Variants in RAP1A observed in about 807,000 individuals in gnomAD.
RAP1A encodes ras-related protein Rap-1A.
RAP1A carries 6 observed loss-of-function variants against 26.4 expected under a neutral mutation model. That is an observed-to-expected ratio of 0.23 (90% confidence interval 0.12 to 0.45). The LOEUF is 0.45. Ranked by LOEUF, RAP1A falls within the 20% of genes least tolerant of loss-of-function variation. The pLI is 0.99. For synonymous variants in RAP1A, 73 were observed against 79.4 expected (o/e 0.92, Z 0.43); for missense variants, 121 against 217.2 (o/e 0.56, Z 2.78).
At chr1:111,651,109 A>G (rs1660254845) in intron 1 of RAP1A, among the ~76,000 whole-genome samples, 1 of 152,052 alleles carries the variant, frequency 6.6e-6, no homozygotes, top group Non-Finnish European at 1.5e-5. Flanking sequence ...TCTTCACCTT[A>G]TAGTTTCATA....
chr1:111,603,760 T>G (rs1322489152), intron 1 of RAP1A, among the ~76,000 whole-genome samples: 1 of 152,182 alleles, frequency 6.6e-6, no homozygotes, highest in Non-Finnish European at 1.5e-5. Context: ...CCATGCCTAC[T>G]AAGGGGGTAC....
intron 6 of RAP1A, among the ~76,000 whole-genome samples, chr1:111,705,742 T>G (rs1403163018): frequency 1.3e-5 from 2 of 152,142 alleles, no homozygotes; most frequent in African/African-American, 4.8e-5. Flanking sequence ...TCAGCAATAA[T>G]TAAAGAAAAA....
chr1:111,648,649 A>G (rs1660158417), intron 1 of RAP1A: 1 of 519,266 alleles, frequency 1.9e-6, no homozygotes, highest in Non-Finnish European at 3.6e-6. Context: ...TTTCTCACTG[A>G]GTCCAGGTCA....
In RAP1A at chr1:111,691,458, A is replaced by G. The variant is rs766346522; in HGVS notation, c.57+41A>G. The G allele has an allele frequency of 2.6e-6, 4 of 1,550,492 alleles. No individual in the cohort carries two copies. In the South Asian group the frequency reaches 3.4e-5, roughly 13 times the overall value. On this transcript the variant is annotated intron_variant, in intron 2 of 7. Transcript: ENST00000369709. ...AACTGTAACTGATTAATATAATACAAGAAGAATTTTGACATTTCCTTGCTT... is the reference window on the plus strand; with the variant it reads ...AACTGTAACTGATTAATATAATACAGGAAGAATTTTGACATTTCCTTGCTT...
At chr1:111,649,387 C>T in intron 1 of RAP1A, 1 of 372,040 alleles carries the variant, frequency 2.7e-6, no homozygotes, top group African/African-American at 2.1e-5. Flanking sequence ...TGCAGCCAGA[C>T]CCCAAGCTGT....
chr1:111,714,884 G>A lies in RAP1A; in HGVS notation c.*2483G>A, dbSNP rs760435154. On this transcript the variant is annotated 3_prime_UTR_variant, in exon 8 of 8. Coordinates refer to ENST00000369709, the MANE Select transcript of RAP1A (RefSeq NM_002884.4). Reference sequence around the variant, plus strand: ...CTAGAAACTGATTTCATATTAGTATGTGTGGCTATTTAAAGTATAATGACT... The same window carrying A: ...CTAGAAACTGATTTCATATTAGTATATGTGGCTATTTAAAGTATAATGACT... 6.6e-6 allele frequency: 1 copy of A among 152,176 alleles called. No individual in the cohort carries two copies. Among genetic ancestry groups the A allele is most frequent in the African/African-American group, 2.4e-5 (1 of 41,436 alleles). 9.4% of individuals were successfully genotyped at this position (152,176 alleles called of 1,614,324 possible).
chr1:111,611,223 G>A (rs1447261078), intron 1 of RAP1A, among the ~76,000 whole-genome samples: 4 of 152,154 alleles, frequency 2.6e-5, no homozygotes, highest in African/African-American at 9.7e-5. Flanking sequence ...GGAATATTTT[G>A]TAAAAGTTTG....
chr1:111,614,028 G>T (rs932135349), intron 1 of RAP1A, among the ~76,000 whole-genome samples: 1 of 152,174 alleles, frequency 6.6e-6, no homozygotes, highest in Non-Finnish European at 1.5e-5. Flanking sequence ...TAGGCTCTGA[G>T]AATATAGTAA....
At chr1:111,629,865 G>A (rs1659516805) in intron 1 of RAP1A, among the ~76,000 whole-genome samples, 1 of 152,134 alleles carries the variant, frequency 6.6e-6, no homozygotes, top group African/African-American at 2.4e-5. Flanking sequence ...AACTATAAGA[G>A]TCTCTTTTAA....
At chr1:111,700,388 T>C (rs1159152952) in intron 4 of RAP1A, among the ~76,000 whole-genome samples, 23 of 152,140 alleles carry the variant, frequency 1.5e-4, no homozygotes, top group Non-Finnish European at 3.2e-4. Context: ...GAGGAGTAGG[T>C]GTTTTACATG....
At chr1:111,606,797 A>G (rs1008093728) in intron 1 of RAP1A, among the ~76,000 whole-genome samples, 1 of 152,230 alleles carries the variant, frequency 6.6e-6, no homozygotes, top group Non-Finnish European at 1.5e-5. Context: ...CAGCTCAAAG[A>G]TGTGAGTTTT....
At chr1:111,622,962 G>A (rs1175780143) in intron 1 of RAP1A, among the ~76,000 whole-genome samples, 1 of 152,104 alleles carries the variant, frequency 6.6e-6, no homozygotes, top group East Asian at 1.9e-4. Context: ...ATAGGGATTA[G>A]ACATCCAGAT....
intron 1 of RAP1A, among the ~76,000 whole-genome samples, chr1:111,592,626 T>A (rs1658490632): frequency 6.6e-6 from 1 of 152,220 alleles, no homozygotes; most frequent in South Asian, 2.1e-4. Flanking sequence ...TTCTTTTGGA[T>A]TCCTGAACAC....
At chr1:111,582,822 T>C (rs1658284511) in intron 1 of RAP1A, among the ~76,000 whole-genome samples, 1 of 152,228 alleles carries the variant, frequency 6.6e-6, no homozygotes, top group South Asian at 2.1e-4. Context: ...AAGTGTGACC[T>C]AAGAGCTTTC....
intron 2 of RAP1A, among the ~76,000 whole-genome samples, chr1:111,692,387 T>C (rs1325475120): frequency 6.6e-6 from 1 of 152,204 alleles, no homozygotes; most frequent in Non-Finnish European, 1.5e-5. Context: ...GGTGATGATA[T>C]TTAATTTCAT....
At position 111,689,755 on chromosome 1, in the gene RAP1A, C is replaced by T. The variant is rs376975623; in HGVS notation, c.-27-1579C>T. On this transcript the variant is annotated intron_variant, in intron 1 of 7. Coordinates refer to ENST00000369709, the MANE Select transcript of RAP1A (RefSeq NM_002884.4). ...CGCGATCTCAGCTCACTGCAAGCTC[C>T]GTCTCCCGGGTTCACACCGTTCTCC... Among the ~76,000 whole-genome samples the T allele has an allele frequency of 4.6e-5, 7 of 152,184 alleles. No homozygotes were observed. The East Asian group carries it at 1.4e-3, about 29-fold the overall frequency.
At chr1:111,598,764 C>A (rs1023750398) in intron 1 of RAP1A, among the ~76,000 whole-genome samples, 4 of 152,172 alleles carry the variant, frequency 2.6e-5, no homozygotes, top group African/African-American at 9.7e-5. Flanking sequence ...ACCAGCTGGG[C>A]TCCCTCCAAT....
At chr1:111,543,133 G>GAC (rs1315731598) in intron 1 of RAP1A, among the ~76,000 whole-genome samples, 2 of 152,160 alleles carry the variant, frequency 1.3e-5, no homozygotes, top group Admixed American at 1.3e-4. Flanking sequence ...TACACAGAGA[G>GAC]ACACACACAC....
intron 1 of RAP1A, among the ~76,000 whole-genome samples, chr1:111,626,796 A>T (rs1290037884): frequency 6.6e-6 from 1 of 152,210 alleles, no homozygotes; most frequent in Non-Finnish European, 1.5e-5. Flanking sequence ...CTCAGTAGAC[A>T]TATATAATAA....
Sources: allele counts gnomAD v4.1 joint callset (sites outside exome capture counted in the v4.1 genomes callset), GRCh38; gene constraint gnomAD v4.1.1; transcripts MANE v1.5; gene names NCBI Gene and HGNC (gene_info 2026-07-23, HGNC 2026-07-21).